Variants in RIT2 observed in about 807,000 individuals in gnomAD.
RIT2 encodes the protein GTP-binding protein Rit2.
A neutral mutation model predicts 23.7 loss-of-function variants in RIT2; 24 were observed. The observed-to-expected ratio is 1.01, with a 90% confidence interval of 0.73 to 1.43. The LOEUF (loss-of-function observed/expected upper bound fraction) is 1.43, where lower values mean the gene tolerates loss of function less well. Among genes scored for constraint, RIT2 ranks in the 40% most tolerant of loss-of-function variants. The probability of loss-of-function intolerance (pLI) is 0.00; values close to 1 mark genes in which losing one functional copy is unlikely to be tolerated. For synonymous variants in RIT2, 107 were observed against 91.1 expected, an observed-to-expected ratio of 1.17 and a Z score of -0.99; for missense variants, 236 against 266.9, an observed-to-expected ratio of 0.88 and a Z score of 0.81.
intron 2 of RIT2, among the ~76,000 whole-genome samples, chr18:42,974,748 A>G (rs1395613035): frequency 6.6e-6 from 1 of 152,122 alleles, no homozygotes; most frequent in East Asian, 1.9e-4. Context: ...AAAATAAGAT[A>G]TGTTTCTATC....
chr18:43,006,047 GA>G (rs930067094), intron 2 of RIT2, among the ~76,000 whole-genome samples: 35 of 147,978 alleles, frequency 2.4e-4, no homozygotes, highest in African/African-American at 5.7e-4. Context: ...TAAACTTTTG[GA>G]AAAAAAAAAT....
intron 4 of RIT2, among the ~76,000 whole-genome samples, chr18:42,848,254 C>T (rs966400299): frequency 2.6e-5 from 4 of 152,164 alleles, no homozygotes; most frequent in African/African-American, 9.6e-5. Context: ...GTTTGCACTG[C>T]AGAGCTGAAC....
chr18:42,785,902 A>G (rs1913911895), intron 4 of RIT2, among the ~76,000 whole-genome samples: 2 of 152,160 alleles, frequency 1.3e-5, no homozygotes, highest in Non-Finnish European at 2.9e-5. Context: ...GAATCTGTAC[A>G]CAGTTTATCC....
In RIT2 at chr18:43,024,623, G is replaced by C. The variant is rs146804158; in HGVS notation, c.160+9188C>G. On this transcript the variant is annotated intron_variant, in intron 2 of 4. Transcript: ENST00000326695. Reference sequence around the variant, plus strand: ...AAATAAGTAATCAACAGAGTGAACAGACAACCTGCAGGACAGGAGAAAATA... The same window carrying C: ...AAATAAGTAATCAACAGAGTGAACACACAACCTGCAGGACAGGAGAAAATA... Among the ~76,000 whole-genome samples the C allele has an allele frequency of 1.2e-3, 177 of 151,934 alleles. No homozygotes were observed. In the Middle Eastern group the frequency reaches 0.017, roughly 15 times the overall value.
chr18:42,750,953 G>A (rs1284423261), intron 4 of RIT2, among the ~76,000 whole-genome samples: 1 of 151,872 alleles, frequency 6.6e-6, no homozygotes, highest in East Asian at 1.9e-4. Flanking sequence ...AAGAAGAATA[G>A]TAACAATAAT....
chr18:43,038,253 G>T (rs1043888416), intron 1 of RIT2, among the ~76,000 whole-genome samples: 5 of 147,220 alleles, frequency 3.4e-5, no homozygotes, highest in Admixed American at 2.0e-4. Flanking sequence ...GTACAAGTGG[G>T]TCATTTCAAT....
intron 2 of RIT2, among the ~76,000 whole-genome samples, chr18:43,011,123 A>T (rs1441492057): frequency 6.6e-6 from 1 of 151,872 alleles, no homozygotes; most frequent in Admixed American, 6.6e-5. Context: ...GACAAAGAGG[A>T]GTCAGCCACA....
At chr18:42,851,105 A>G (rs1907043125) in intron 4 of RIT2, among the ~76,000 whole-genome samples, 3 of 152,200 alleles carry the variant, frequency 2.0e-5, no homozygotes, top group Admixed American at 2.0e-4. Flanking sequence ...ACTTTACCTA[A>G]TCTTGTCAAA....
At chr18:42,989,612 G>A (rs886529848) in intron 2 of RIT2, among the ~76,000 whole-genome samples, 3 of 152,094 alleles carry the variant, frequency 2.0e-5, no homozygotes, top group Non-Finnish European at 4.4e-5. Context: ...CTTAGAGAAC[G>A]TGTCAATTTG....
At chr18:42,802,976 C>G (rs966406066) in intron 4 of RIT2, among the ~76,000 whole-genome samples, 1 of 152,082 alleles carries the variant, frequency 6.6e-6, no homozygotes. Context: ...TGGCTCTGCC[C>G]TCTACCAGAA....
At chr18:42,852,779 C>T (rs1907087342) in intron 4 of RIT2, among the ~76,000 whole-genome samples, 1 of 126,610 alleles carries the variant, frequency 7.9e-6, no homozygotes, top group Non-Finnish European at 1.7e-5. Context: ...CTCCCTCCCT[C>T]TCTCCCTCCC....
At chr18:42,995,838 C>G (rs920995379) in intron 2 of RIT2, among the ~76,000 whole-genome samples, 4 of 152,288 alleles carry the variant, frequency 2.6e-5, no homozygotes, top group Admixed American at 2.0e-4. Context: ...CTTGTCATCT[C>G]TACTATCTTC....
At chr18:43,016,695 A>G (rs1911483352) in intron 2 of RIT2, among the ~76,000 whole-genome samples, 1 of 151,916 alleles carries the variant, frequency 6.6e-6, no homozygotes, top group African/African-American at 2.4e-5. Flanking sequence ...ATCTTTAATC[A>G]GAGAAAGTCA....
chr18:42,806,885 T>A (rs1598661817), intron 4 of RIT2, among the ~76,000 whole-genome samples: 1 of 152,232 alleles, frequency 6.6e-6, no homozygotes, highest in African/African-American at 2.4e-5. Context: ...CTGAGAAAAT[T>A]CAGGAGAGTA....
chr18:42,915,632 CT>C (rs1908888417), intron 4 of RIT2, among the ~76,000 whole-genome samples: 1 of 151,942 alleles, frequency 6.6e-6, no homozygotes, highest in South Asian at 2.1e-4. Flanking sequence ...TCAGTTCAAT[CT>C]GAGGAAACAC....
intron 2 of RIT2, among the ~76,000 whole-genome samples, chr18:42,979,520 T>C (rs1910548050): frequency 6.6e-6 from 1 of 152,100 alleles, no homozygotes; most frequent in Non-Finnish European, 1.5e-5. Context: ...TAGTACAAAG[T>C]CTCATAGAAT....
At position 42,958,829 on chromosome 18, in the gene RIT2, T is replaced by C. The variant is rs189997754; in HGVS notation, c.234+15245A>G. Among the ~76,000 whole-genome samples the C allele has an allele frequency of 2.4e-3, 360 of 152,258 alleles. 5 individuals are homozygous for C. In the South Asian group the frequency reaches 0.039, roughly 16 times the overall value. On this transcript the variant is annotated intron_variant, in intron 3 of 4. Coordinates refer to ENST00000326695, the MANE Select transcript of RIT2 (RefSeq NM_002930.4). The stretch of plus-strand genomic sequence containing the variant: ...TTTAATGATCTTCCTACATGTATTG[T>C]CTCCTCACAGTTCTTTCTCTATGCT...
intron 1 of RIT2, among the ~76,000 whole-genome samples, chr18:43,088,892 G>A (rs78713982): frequency 0.022 from 3,394 of 151,926 alleles, 134 homozygotes; most frequent in African/African-American, 0.077. Context: ...TGTTAATTAC[G>A]GAAAAAACAT....
At position 42,996,260 on chromosome 18, in the gene RIT2, C is replaced by T. The variant is rs529116317; in HGVS notation, c.161-22113G>A. 4.3e-4 allele frequency among the ~76,000 whole-genome samples: 66 copies of T among 152,246 alleles called. No homozygotes were observed. The South Asian group carries it at 0.01, about 24-fold the overall frequency. On this transcript the variant is annotated intron_variant, in intron 2 of 4. Coordinates refer to ENST00000326695, the MANE Select transcript of RIT2 (RefSeq NM_002930.4). ...TAATCTCTCCCACTCTAGGTTCCCA[C>T]GCTGCCCCTAATCCCGCTCAAAGCA...
Sources: allele counts gnomAD v4.1 joint callset (sites outside exome capture counted in the v4.1 genomes callset), GRCh38; gene constraint gnomAD v4.1.1; transcripts MANE v1.5; gene names NCBI Gene and HGNC (gene_info 2026-07-23, HGNC 2026-07-21).